The following TRDN variants were observed in gnomAD, a reference collection of about 807,000 sequenced individuals.
TRDN encodes the protein triadin.
Under a neutral mutation model 149.7 loss-of-function variants are expected in TRDN, and 161 were observed. The ratio of observed to expected loss-of-function variants is 1.08; its 90% CI spans 0.95 to 1.23. The LOEUF is 1.23. Among genes scored for constraint, TRDN ranks in the 50% most tolerant of loss-of-function variants. TRDN has a pLI of 0.00. For synonymous variants in TRDN, 294 were observed against 250.5 expected, an observed-to-expected ratio of 1.17 and a Z score of -1.64; for missense variants, 896 against 823.5, an observed-to-expected ratio of 1.09 and a Z score of -1.08.
intron 24 of TRDN, among the ~76,000 whole-genome samples, chr6:123,302,315 C>A (rs937517232): frequency 6.6e-6 from 1 of 152,008 alleles, no homozygotes; most frequent in Non-Finnish European, 1.5e-5. Flanking sequence ...AATATAAAGG[C>A]AGTTTACCCT....
At position 123,337,677 on chromosome 6, in the gene TRDN, A is replaced by G; in HGVS notation, c.1370-8T>C. ...ATTTTTCTTTTCTAATTTCTGCAAG[A>G]GAGATCATGGGAAGAAAAAGTTACA... On this transcript the variant is annotated splice_polypyrimidine_tract_variant and splice_region_variant and intron_variant, in intron 21 of 40. Transcript: ENST00000334268. The G allele has an allele frequency of 6.9e-7, 1 of 1,458,654 alleles. No homozygotes were observed. 90.4% of individuals were successfully genotyped at this position (1,458,654 alleles called of 1,614,324 possible).
At chr6:123,228,812 C>A (rs956746622) in intron 38 of TRDN, among the ~76,000 whole-genome samples, 1 of 151,684 alleles carries the variant, frequency 6.6e-6, no homozygotes, top group African/African-American at 2.4e-5. Context: ...ATGCATGAGC[C>A]ACACACACAC....
chr6:123,636,880 C>G lies in TRDN; in HGVS notation c.-105G>C. The G allele has an allele frequency of 7.4e-7, 1 of 1,346,708 alleles. No individual in the cohort carries two copies. Among genetic ancestry groups the G allele is most frequent in the Non-Finnish European group, 1.1e-6 (1 of 946,334 alleles). 83.4% of individuals were successfully genotyped at this position (1,346,708 alleles called of 1,614,324 possible). ...CTGGTGGAGGGTTCTGTGTCAAAAC[C>G]TGGGGGCTCTTCGTTTTCCTGGCTG... On this transcript the variant is annotated 5_prime_UTR_variant, in exon 1 of 41. Transcript: ENST00000334268.
intron 39 of TRDN, among the ~76,000 whole-genome samples, chr6:123,221,750 C>T (rs1000193605): frequency 1.3e-5 from 2 of 151,568 alleles, no homozygotes; most frequent in Non-Finnish European, 3.0e-5. Context: ...AAATGTCACG[C>T]TACAAACAAT....
intron 1 of TRDN, among the ~76,000 whole-genome samples, chr6:123,626,260 T>A (rs1005320678): frequency 2.6e-5 from 4 of 152,030 alleles, no homozygotes; most frequent in African/African-American, 9.7e-5. Flanking sequence ...GGTGGGTGGA[T>A]CCCTTGAGAC....
At chr6:123,416,491 G>T (rs1377521057) in intron 12 of TRDN, among the ~76,000 whole-genome samples, 1 of 152,118 alleles carries the variant, frequency 6.6e-6, no homozygotes, top group African/African-American at 2.4e-5. Flanking sequence ...TGTTCAGATA[G>T]CATCTCCTTA....
chr6:123,311,596 G>A (rs966628195), intron 24 of TRDN, among the ~76,000 whole-genome samples: 1 of 151,912 alleles, frequency 6.6e-6, no homozygotes, highest in African/African-American at 2.4e-5. Context: ...CAAACAAAAT[G>A]TCTCTAATTC....
At chr6:123,423,259 C>A (rs946370865) in intron 12 of TRDN, among the ~76,000 whole-genome samples, 1 of 152,036 alleles carries the variant, frequency 6.6e-6, no homozygotes, top group Non-Finnish European at 1.5e-5. Context: ...ATGAAAGTTA[C>A]CCCTGCTTTT....
chr6:123,570,477 T>C (rs968459623), intron 2 of TRDN, among the ~76,000 whole-genome samples: 4 of 152,232 alleles, frequency 2.6e-5, no homozygotes, highest in African/African-American at 7.2e-5. Flanking sequence ...CAAGGACACT[T>C]AGGACCAGAT....
chr6:123,259,532 G>C, intron 35 of TRDN, 92 bp downstream of exon 35: 4 of 844,602 alleles, frequency 4.7e-6, no homozygotes, highest in Non-Finnish European at 7.4e-6. Flanking sequence ...TTCATCAACT[G>C]TTTTTAAATC....
At chr6:123,623,127 T>G (rs1279601757) in intron 1 of TRDN, among the ~76,000 whole-genome samples, 1 of 152,088 alleles carries the variant, frequency 6.6e-6, no homozygotes, top group African/African-American at 2.4e-5. Context: ...GTCATTCCAT[T>G]TAGTTTGTGA....
chr6:123,300,322 C>G (rs1778356662), intron 24 of TRDN, among the ~76,000 whole-genome samples: 1 of 151,908 alleles, frequency 6.6e-6, no homozygotes, highest in African/African-American at 2.4e-5. Context: ...CAAATTATGG[C>G]TTTTGGAGGA....
At chr6:123,332,885 G>T (rs953775935) in intron 22 of TRDN, among the ~76,000 whole-genome samples, 3 of 151,910 alleles carry the variant, frequency 2.0e-5, no homozygotes, top group Non-Finnish European at 2.9e-5. Context: ...TTGATTTTGA[G>T]GTTTTATTAA....
intron 12 of TRDN, among the ~76,000 whole-genome samples, chr6:123,412,962 C>CA (rs1773503955): frequency 6.6e-6 from 1 of 151,976 alleles, no homozygotes; most frequent in African/African-American, 2.4e-5. Context: ...CTAAAATGTT[C>CA]AATAATTCTC....
At chr6:123,511,668 A>G (rs192881018) in intron 7 of TRDN, among the ~76,000 whole-genome samples, 24 of 152,286 alleles carry the variant, frequency 1.6e-4, no homozygotes, top group African/African-American at 5.5e-4. Flanking sequence ...AGTTTTTATG[A>G]TTCCAAAGTG....
In TRDN at chr6:123,315,888, T is replaced by C. The variant is rs75068769; in HGVS notation, c.1510+569A>G. Reference sequence around the variant, plus strand: ...TTGCAAAACCTGTTTTTAGAAAGTCTATTTTAAAAGTATTTCAGCTTTCAA... The same window carrying C: ...TTGCAAAACCTGTTTTTAGAAAGTCCATTTTAAAAGTATTTCAGCTTTCAA... On this transcript the variant is annotated intron_variant, in intron 24 of 40. Coordinates refer to ENST00000334268, the MANE Select transcript of TRDN (RefSeq NM_006073.4). Among the ~76,000 whole-genome samples, 469 of 152,072 alleles carry C rather than the reference T, an allele frequency of 3.1e-3. 16 individuals are homozygous for C. In the East Asian group the frequency reaches 0.077, roughly 25 times the overall value.
At chr6:123,453,007 C>T (rs1415477491) in intron 10 of TRDN, among the ~76,000 whole-genome samples, 2 of 152,022 alleles carry the variant, frequency 1.3e-5, no homozygotes, top group Admixed American at 6.6e-5. Flanking sequence ...AGGGAAAGGA[C>T]ACCCTTTTCA....
chr6:123,308,398 T>A (rs1430718386), intron 24 of TRDN, among the ~76,000 whole-genome samples: 1 of 151,820 alleles, frequency 6.6e-6, no homozygotes, highest in Non-Finnish European at 1.5e-5. Context: ...GATTGCTGGA[T>A]TGAATGGTAG....
At chr6:123,351,291 T>A (rs1202016922) in intron 21 of TRDN, 1 of 955,364 alleles carries the variant, frequency 1.0e-6, no homozygotes, top group Admixed American at 6.2e-5. Flanking sequence ...TTTTCATGTT[T>A]GCCCTATACA....
Sources: gnomAD v4.1 joint callset for allele counts (sites outside exome capture counted in the v4.1 genomes callset) on GRCh38, gnomAD v4.1.1 for gene constraint, MANE v1.5 for transcripts, NCBI Gene and HGNC (gene_info 2026-07-23, HGNC 2026-07-21) for gene names.